NDUFS4: variants seen among roughly 807,000 people sequenced by gnomAD.
NDUFS4 encodes NADH:ubiquinone oxidoreductase subunit S4.
Under a neutral mutation model 24.3 loss-of-function variants are expected in NDUFS4, and 28 were observed. The ratio of observed to expected loss-of-function variants is 1.15; its 90% CI spans 0.85 to 1.58. NDUFS4 has a LOEUF of 1.58. NDUFS4 is among the 40% of genes most tolerant of loss of function. The probability of loss-of-function intolerance (pLI) is 0.00; values close to 1 mark genes in which losing one functional copy is unlikely to be tolerated. For synonymous variants in NDUFS4, 93 were observed against 69.7 expected, an observed-to-expected ratio of 1.34 and a Z score of -1.67; for missense variants, 223 against 207.9, an observed-to-expected ratio of 1.07 and a Z score of -0.45.
intron 3 of NDUFS4, among the ~76,000 whole-genome samples, chr5:53,656,393 G>C (rs1752162394): frequency 1.3e-5 from 2 of 152,062 alleles, no homozygotes; most frequent in South Asian, 4.2e-4. Flanking sequence ...TATCTTTAGT[G>C]GACCAGGTTG....
rs140735233 is a variant in NDUFS4 at position 53,565,653 on chromosome 5, A to C, written c.98+4893A>C. On this transcript the variant is annotated intron_variant, in intron 1 of 4. Transcript: ENST00000296684. ...ATAAACTATCTACAACACATATTCT[A>C]ATTATTTGCAGTGGTCTGAGTGTAG... Among the ~76,000 whole-genome samples, 250 of 152,300 alleles carry C rather than the reference A, an allele frequency of 1.6e-3. 1 individual carries two copies. The highest frequency in any genetic ancestry group is 5.5e-3 in the African/African-American group (229 of 41,568).
chr5:53,660,746 G>C (rs971625575), intron 4 of NDUFS4, among the ~76,000 whole-genome samples: 2 of 152,154 alleles, frequency 1.3e-5, no homozygotes, highest in Non-Finnish European at 2.9e-5. Context: ...TTCTCTGATG[G>C]CCAGTGATGA....
At chr5:53,578,397 C>G (rs1228743964) in intron 1 of NDUFS4, among the ~76,000 whole-genome samples, 1 of 152,136 alleles carries the variant, frequency 6.6e-6, no homozygotes, top group South Asian at 2.1e-4. Flanking sequence ...GGAAAGACTA[C>G]TTTCTAGAAA....
At chr5:53,666,299 C>CT (rs1288047294) in intron 4 of NDUFS4, among the ~76,000 whole-genome samples, 3 of 152,154 alleles carry the variant, frequency 2.0e-5, no homozygotes, top group Non-Finnish European at 4.4e-5. Flanking sequence ...TAGTCTTTCT[C>CT]TAAGTGGTCA....
At chr5:53,625,825 G>T (rs1751203391) in intron 2 of NDUFS4, among the ~76,000 whole-genome samples, 1 of 151,766 alleles carries the variant, frequency 6.6e-6, no homozygotes, top group Non-Finnish European at 1.5e-5. Context: ...TCATTTCAGG[G>T]CCTATTTCTA....
chr5:53,577,257 TC>T (rs1374381342), intron 1 of NDUFS4, among the ~76,000 whole-genome samples: 2 of 152,214 alleles, frequency 1.3e-5, no homozygotes, highest in Non-Finnish European at 2.9e-5. Flanking sequence ...AAGTTCTCAT[TC>T]CCTTTTGATT....
intron 2 of NDUFS4, among the ~76,000 whole-genome samples, chr5:53,626,368 A>G (rs189309584): frequency 2.0e-5 from 3 of 152,168 alleles, no homozygotes; most frequent in Non-Finnish European, 4.4e-5. Context: ...TCTTTATAGT[A>G]GAATGATTTA....
At chr5:53,650,099 C>G (rs1464364069) in intron 3 of NDUFS4, among the ~76,000 whole-genome samples, 1 of 152,168 alleles carries the variant, frequency 6.6e-6, no homozygotes, top group African/African-American at 2.4e-5. Flanking sequence ...TTAATGATTA[C>G]TGTTTTTCAA....
At chr5:53,653,601 C>T (rs1752081660) in intron 3 of NDUFS4, among the ~76,000 whole-genome samples, 1 of 151,948 alleles carries the variant, frequency 6.6e-6, no homozygotes, top group South Asian at 2.1e-4. Flanking sequence ...AACATATAAG[C>T]GAGGAATGTT....
chr5:53,683,271 A>G lies in NDUFS4; in HGVS notation c.*50A>G, dbSNP rs1740743402. 3.2e-6 allele frequency: 4 copies of G among 1,231,146 alleles called. No homozygotes were observed. The highest frequency in any genetic ancestry group is 2.3e-5 in the East Asian group (1 of 43,022). 76.3% of individuals were successfully genotyped at this position (1,231,146 alleles called of 1,614,324 possible). ...TGACTGTGAATAAAGTCAGCTGTGCAGTATTTATAGTCCATGTATAATAAA... is the reference window on the plus strand; with the variant it reads ...TGACTGTGAATAAAGTCAGCTGTGCGGTATTTATAGTCCATGTATAATAAA... On this transcript the variant is annotated 3_prime_UTR_variant, in exon 5 of 5. Transcript: ENST00000296684.
intron 2 of NDUFS4, among the ~76,000 whole-genome samples, chr5:53,637,702 C>T (rs1751598678): frequency 6.6e-6 from 1 of 152,034 alleles, no homozygotes; most frequent in Non-Finnish European, 1.5e-5. Context: ...AAAAATTATC[C>T]TCATTAGTTC....
In NDUFS4 at chr5:53,683,308, A is replaced by G. The variant is rs1740746007; in HGVS notation, c.*87A>G. On this transcript the variant is annotated 3_prime_UTR_variant, in exon 5 of 5. Transcript: ENST00000296684. ...CCATGTATAATAAATACATCTCTTAATCTCCTAATAAATTGGACCTTTAAA... is the reference window on the plus strand; with the variant it reads ...CCATGTATAATAAATACATCTCTTAGTCTCCTAATAAATTGGACCTTTAAA... The G allele has an allele frequency of 2.1e-6, 2 of 948,612 alleles. No individual in the cohort carries two copies. The highest frequency in any genetic ancestry group is 3.4e-6 in the Non-Finnish European group (2 of 584,874). The allele number at this position is 948,612 out of a possible 1,614,324, so 58.8% of individuals were successfully genotyped here. A position where few individuals can be genotyped will look rare whatever the true frequency, so the allele number is the denominator to read the frequency against.
intron 4 of NDUFS4, among the ~76,000 whole-genome samples, chr5:53,673,526 C>T (rs1740354192): frequency 6.6e-6 from 1 of 152,072 alleles, no homozygotes; most frequent in African/African-American, 2.4e-5. Context: ...CACAGTAAAA[C>T]TTAAATATAG....
At chr5:53,663,799 G>A (rs1174883180) in intron 4 of NDUFS4, among the ~76,000 whole-genome samples, 1 of 152,134 alleles carries the variant, frequency 6.6e-6, no homozygotes, top group Non-Finnish European at 1.5e-5. Context: ...TTGCCAGTCT[G>A]TATCTTTTAA....
chr5:53,599,194 T>C (rs1750232685), intron 1 of NDUFS4, among the ~76,000 whole-genome samples: 1 of 152,142 alleles, frequency 6.6e-6, no homozygotes, highest in South Asian at 2.1e-4. Flanking sequence ...TTTGGCTGTT[T>C]TTGCTTTTGG....
At chr5:53,634,705 C>T (rs1018425057) in intron 2 of NDUFS4, among the ~76,000 whole-genome samples, 1 of 152,074 alleles carries the variant, frequency 6.6e-6, no homozygotes, top group East Asian at 1.9e-4. Context: ...TCATTTGCCT[C>T]AGCCTTCTAA....
At chr5:53,602,121 C>T (rs1750341911) in intron 1 of NDUFS4, among the ~76,000 whole-genome samples, 2 of 152,144 alleles carry the variant, frequency 1.3e-5, no homozygotes, top group Admixed American at 6.5e-5. Context: ...TTCAGATTCT[C>T]ATGAGTTCAC....
chr5:53,654,605 T>C (rs1311696378), intron 3 of NDUFS4, among the ~76,000 whole-genome samples: 2 of 152,138 alleles, frequency 1.3e-5, no homozygotes, highest in Admixed American at 1.3e-4. Flanking sequence ...TGAATGGTGC[T>C]AATCAAACTA....
At chr5:53,620,791 A>C (rs1751009575) in intron 2 of NDUFS4, among the ~76,000 whole-genome samples, 2 of 152,172 alleles carry the variant, frequency 1.3e-5, no homozygotes, top group African/African-American at 4.8e-5. Flanking sequence ...TTTCAAATTT[A>C]ATTCTGTAGT....
Sources: allele counts gnomAD v4.1 joint callset (sites outside exome capture counted in the v4.1 genomes callset), GRCh38; gene constraint gnomAD v4.1.1; transcripts MANE v1.5; gene names NCBI Gene and HGNC (gene_info 2026-07-23, HGNC 2026-07-21).